IFITM10: variants seen among roughly 807,000 people sequenced by gnomAD.
IFITM10 encodes interferon induced transmembrane protein 10, also known as interferon-induced transmembrane protein 10.
A neutral mutation model predicts 19.0 loss-of-function variants in IFITM10; 17 were observed. The observed-to-expected ratio is 0.90, with a 90% CI of 0.61 to 1.34. IFITM10 has a LOEUF of 1.34. IFITM10 is among the 40% of genes most tolerant of loss of function. IFITM10 has a pLI of 0.00. For missense variants in IFITM10, 306 were observed against 319.8 expected (o/e 0.96, Z 0.33); for synonymous variants, 148 against 147.2 (o/e 1.01, Z -0.04).
intron 2 of IFITM10, among the ~76,000 whole-genome samples, chr11:1,738,743 C>T (rs1851113073): frequency 6.6e-6 from 1 of 152,098 alleles, no homozygotes. Context: ...ACAGTGTTTG[C>T]TGGGATCAGG....
chr11:1,744,903 G>C (rs1424502698), intron 2 of IFITM10: 2 of 152,308 alleles, frequency 1.3e-5, no homozygotes, highest in Non-Finnish European at 2.9e-5. Flanking sequence ...GTAGGGTGCA[G>C]GTCAGGAGAC....
chr11:1,748,348 G>A (rs1369144411), intron 1 of IFITM10: 2 of 410,332 alleles, frequency 4.9e-6, no homozygotes, highest in African/African-American at 2.1e-5. Flanking sequence ...TCATCACTTC[G>A]CCATCTGCGC....
intron 2 of IFITM10, among the ~76,000 whole-genome samples, chr11:1,742,674 A>G (rs1845583038): frequency 6.6e-6 from 1 of 152,208 alleles, no homozygotes; most frequent in Non-Finnish European, 1.5e-5. Flanking sequence ...GCAATTACTG[A>G]GAAAGTGAGA....
At chr11:1,737,042 TC>T (rs1305901175) in intron 2 of IFITM10, among the ~76,000 whole-genome samples, 1 of 152,202 alleles carries the variant, frequency 6.6e-6, no homozygotes, top group African/African-American at 2.4e-5. Flanking sequence ...CTTATCGGGT[TC>T]TTATGCTAGT....
chr11:1,748,543 A>C, intron 1 of IFITM10: 1 of 166,438 alleles, frequency 6.0e-6, no homozygotes. Flanking sequence ...GAGCGGCCAA[A>C]GCACCTGCCC....
intron 2 of IFITM10, chr11:1,745,706 A>G (rs1845633279): frequency 6.6e-6 from 1 of 152,218 alleles, no homozygotes; most frequent in African/African-American, 2.4e-5. Flanking sequence ...CAGACAACAC[A>G]CAGGCACACA....
chr11:1,735,502 C>G (rs1327159839), intron 2 of IFITM10, 73 bp from the exon 3 acceptor site: 2 of 1,401,080 alleles, frequency 1.4e-6, no homozygotes, highest in African/African-American at 1.4e-5. Context: ...AGGAGCCCAG[C>G]AGAGCCGGTG....
In IFITM10 at chr11:1,743,227, C is replaced by A. The variant is rs551632029; in HGVS notation, c.537+4440G>T. Among the ~76,000 whole-genome samples the A allele has an allele frequency of 1.5e-4, 19 of 128,628 alleles. No homozygotes were observed. The South Asian group carries it at 4.3e-3, about 29-fold the overall frequency. 84.4% of individuals were successfully genotyped at this position (128,628 alleles called of 152,430 possible). On this transcript the variant is annotated intron_variant, in intron 2 of 2. Transcript: ENST00000340134. ...GATGGATGGACAGATGAAGAATGGA[C>A]AAATGGAAGATGGATGGATGGAGGA...
In IFITM10 at chr11:1,735,023, C is replaced by T. The variant is rs530600777; in HGVS notation, c.*257G>A. 4.2e-4 allele frequency: 216 copies of T among 513,136 alleles called. No homozygotes were observed. Among genetic ancestry groups the T allele is most frequent in the African/African-American group, 3.6e-3 (184 of 51,590 alleles). The allele number at this position is 513,136 out of a possible 1,614,324, so 31.8% of individuals were successfully genotyped here. A position where few individuals can be genotyped will look rare whatever the true frequency, so the allele number is the denominator to read the frequency against. On this transcript the variant is annotated 3_prime_UTR_variant, in exon 3 of 3. Transcript: ENST00000340134. ...GACGCTGGAAGCCAGGGTGCAGCAG[C>T]GAGGGGAGAAGCCCCCAGGCCCCAG...
At chr11:1,746,285 T>G in intron 2 of IFITM10, 1 of 323,366 alleles carries the variant, frequency 3.1e-6, no homozygotes. Flanking sequence ...CATGCACACA[T>G]ATGCATTCAC....
rs1845703308 is a variant in IFITM10 at position 1,750,396 on chromosome 11, C to T, written c.47G>A (p.Gly16Glu). Residue 16 changes from glycine to glutamate, a missense_variant, in exon 1 of 3, where the codon GGG (glycine) becomes GAG (glutamate). Coordinates refer to ENST00000340134, the MANE Select transcript of IFITM10 (RefSeq NM_001170820.4). ...RGPPCILSFR[G>E]TLERVEAQWE... ...CTGAGCCTCGACCCTCTCCAAAGTC[C>T]CCCGGAAGCTGAGGATGCATGGCGG... is the stretch of plus-strand genomic sequence containing the variant. 5.8e-6 allele frequency: 9 copies of T among 1,550,520 alleles called. No homozygotes were observed. The highest frequency in any genetic ancestry group is 7.0e-6 in the Non-Finnish European group (8 of 1,146,986).
At position 1,735,201 on chromosome 11, in the gene IFITM10, T is replaced by G; in HGVS notation, c.*79A>C. ...GAAGCCCTGCCCTGCCCCAACCTCA[T>G]GGGATCCTGCGTTTCAGGGACCATG... On this transcript the variant is annotated 3_prime_UTR_variant, in exon 3 of 3. Transcript: ENST00000340134. The G allele has an allele frequency of 6.8e-7, 1 of 1,471,200 alleles. No homozygotes were observed. Among genetic ancestry groups the G allele is most frequent in the Non-Finnish European group, 9.2e-7 (1 of 1,087,380 alleles). The allele number at this position is 1,471,200 out of a possible 1,614,324, so 91.1% of individuals were successfully genotyped here. A position where few individuals can be genotyped will look rare whatever the true frequency, so the allele number is the denominator to read the frequency against.
At chr11:1,746,850 G>C (rs1476265628) in intron 2 of IFITM10, 1 of 398,496 alleles carries the variant, frequency 2.5e-6, no homozygotes, top group Non-Finnish European at 4.4e-6. Flanking sequence ...CTTCCTTCCG[G>C]TGCGTCGGGG....
intron 2 of IFITM10, among the ~76,000 whole-genome samples, chr11:1,739,470 A>G (rs548255249): frequency 7.2e-4 from 110 of 152,334 alleles, no homozygotes; most frequent in Admixed American, 1.6e-3. Context: ...GTATATCACA[A>G]GGAATAAAAC....
In IFITM10 at chr11:1,750,186, C is replaced by T. The variant is rs531372874; in HGVS notation, c.84+173G>A. On this transcript the variant is annotated intron_variant, in intron 1 of 2. Coordinates refer to ENST00000340134, the MANE Select transcript of IFITM10 (RefSeq NM_001170820.4). ...CTGTCCTCCCAGCCTCAGCCGCCTC[C>T]GCTACCCCACCACATCCTCACTCTC... The T allele has an allele frequency of 1.3e-5, 9 of 702,094 alleles. No homozygotes were observed. The South Asian group carries it at 1.9e-4, about 15-fold the overall frequency. 43.5% of individuals were successfully genotyped at this position (702,094 alleles called of 1,614,324 possible). A position where few individuals can be genotyped will look rare whatever the true frequency, so the allele number is the denominator to read the frequency against.
At chr11:1,736,585 G>C (rs1158720287) in intron 2 of IFITM10, among the ~76,000 whole-genome samples, 1 of 152,100 alleles carries the variant, frequency 6.6e-6, no homozygotes, top group African/African-American at 2.4e-5. Context: ...GAGTGGAGTG[G>C]ATGGAGTGGA....
At chr11:1,743,876 C>T (rs527591695) in intron 2 of IFITM10, among the ~76,000 whole-genome samples, 1 of 152,310 alleles carries the variant, frequency 6.6e-6, no homozygotes, top group African/African-American at 2.4e-5. Context: ...CTTCTCTTTC[C>T]ATGGCTCCTA....
chr11:1,749,153 C>T (rs1407508584), intron 1 of IFITM10: 27 of 965,568 alleles, frequency 2.8e-5, no homozygotes, highest in Non-Finnish European at 3.2e-5. Context: ...GCGCGCGGGG[C>T]TCGGCGGCGG....
intron 1 of IFITM10, 145 bp from the exon 2 acceptor site, chr11:1,748,264 A>G: frequency 5.1e-6 from 3 of 592,532 alleles, no homozygotes; most frequent in Admixed American, 4.1e-5. Flanking sequence ...TGCCTCCCCC[A>G]CCCGCCCCGG....
Sources: allele counts gnomAD v4.1 joint callset (sites outside exome capture counted in the v4.1 genomes callset), GRCh38; gene constraint gnomAD v4.1.1; transcripts MANE v1.5; gene names NCBI Gene and HGNC (gene_info 2026-07-23, HGNC 2026-07-21).